The following PZP variants were observed in gnomAD, a reference collection of about 807,000 sequenced individuals.
The protein encoded by PZP is PZP alpha-2-macroglobulin like, also known as pregnancy zone protein.
In PZP, 150 loss-of-function variants were observed where a neutral mutation model predicts 179.8. The observed-to-expected ratio is 0.83, with a 90% CI of 0.73 to 0.96. The LOEUF is 0.96. PZP is among the 40% of genes least tolerant of loss of function. The pLI, the probability that PZP is intolerant of heterozygous loss-of-function variation, is 0.00. For synonymous variants in PZP, 624 were observed against 652.3 expected, an observed-to-expected ratio of 0.96 and a Z score of 0.66; for missense variants, 1,689 against 1,764.0, an observed-to-expected ratio of 0.96 and a Z score of 0.76.
chr12:9,161,185 G>T, intron 22 of PZP, 69 bp from the exon 23 acceptor site: 3 of 1,314,638 alleles, frequency 2.3e-6, no homozygotes, highest in Non-Finnish European at 3.2e-6. Flanking sequence ...TGATTATAAT[G>T]TAGTGAGAGC....
rs1265359821 is a variant in PZP at position 9,166,182 on chromosome 12, T to G, written c.2128A>C (p.Arg710=). 6.2e-7 allele frequency: 1 copy of G among 1,611,696 alleles called. No homozygotes were observed. The highest frequency in any genetic ancestry group is 1.7e-5 in the Admixed American group (1 of 59,348). ...GTGCCTAATTGAGGAACATATGGTC[T>G]CTCTACTACTCCTAGACCTGCTAAA... The part of the protein sequence containing the change: ...YYGAGLGVVE[R]PYVPQLGTYN... The change falls in exon 18 of 36, where the codon AGA becomes CGA. Residue 710 remains arginine, a synonymous_variant. Transcript: ENST00000261336.
chr12:9,141,467 G>A, the PZP span, among the ~76,000 whole-genome samples: 2,505 of 152,124 alleles, frequency 0.016, 72 homozygotes, highest in African/African-American at 0.057. Context: ...TAAAGAGCAG[G>A]TTAGTGCTTT....
rs369848439 is a variant in PZP at position 9,182,077 on chromosome 12, G to T, written c.1587C>A (p.Asp529Glu). ...SFALSFPVES[D>E]VAPIARMFIF... ...TGAACATTCGTGCAATGGGGGCAAC[G>T]TCTGACTCCACAGGGAAGGATAAGG... Residue 529 changes from aspartate (D) to glutamate (E), a missense_variant, in exon 14 of 36, where the codon GAC (aspartate) becomes GAA (glutamate). Physicochemically the swap from Asp to Glu is conservative, Grantham distance 45. Around this residue, in one of 3 missense-constraint regions of PZP, gnomAD observed 742 missense variants for 730.5 expected, o/e 1.02. Coordinates refer to ENST00000261336, the MANE Select transcript of PZP (RefSeq NM_002864.3). 1 of 1,613,434 alleles carries T rather than the reference G, an allele frequency of 6.2e-7. No homozygotes were observed. The highest frequency in any genetic ancestry group is 1.7e-5 in the Admixed American group (1 of 59,964).
chr12:9,176,237 T>C (rs1942354341), intron 15 of PZP, among the ~76,000 whole-genome samples: 1 of 152,194 alleles, frequency 6.6e-6, no homozygotes, highest in Non-Finnish European at 1.5e-5. Context: ...TGTTCTCACT[T>C]ATGAGTGGGA....
chr12:9,155,415 G>C (rs1472502872), intron 28 of PZP, among the ~76,000 whole-genome samples: 1 of 152,064 alleles, frequency 6.6e-6, no homozygotes, highest in African/African-American at 2.4e-5. Flanking sequence ...TGTTGGCACT[G>C]CTATAAGCAT....
downstream of PZP, among the ~76,000 whole-genome samples, chr12:9,147,912 G>A (rs557603813): frequency 2.5e-4 from 38 of 152,122 alleles, 1 homozygote; most frequent in Admixed American, 8.5e-4. Flanking sequence ...TCCATTAAGA[G>A]GTGACCAGTT....
intron 17 of PZP, 53 bp from the exon 18 acceptor site, chr12:9,166,255 G>A (rs1941579288): frequency 1.3e-6 from 2 of 1,571,084 alleles, no homozygotes; most frequent in Non-Finnish European, 1.7e-6. Flanking sequence ...TAATTTCATG[G>A]TGCACATGTG....
Position 9,165,346 on chromosome 12 carries a change from T to C in PZP, c.2280A>G (p.Val760=). The C allele has an allele frequency of 6.2e-7, 1 of 1,614,076 alleles. No individual in the cohort carries two copies. Among genetic ancestry groups the C allele is most frequent in the Non-Finnish European group, 8.5e-7 (1 of 1,179,928 alleles). ...VAVNSSGVAE[V]GVTVPDTITE... is the part of the protein sequence containing the mutation. ...TGATGGTGTCAGGGACTGTTACTCC[T>C]ACCTCAGCCACACCTGATGAGCTGG... Residue 760 remains valine (V), a synonymous_variant, in exon 19 of 36, where the codon GTA becomes GTG. Coordinates refer to ENST00000261336, the MANE Select transcript of PZP (RefSeq NM_002864.3).
In PZP at chr12:9,196,353, G is replaced by T. The variant is rs1406038457; in HGVS notation, c.1069C>A (p.Gln357Lys). The T allele has an allele frequency of 1.2e-6, 2 of 1,611,532 alleles. No individual in the cohort carries two copies. Among genetic ancestry groups the T allele is most frequent in the Non-Finnish European group, 1.7e-6 (2 of 1,177,762 alleles). The change falls in exon 10 of 36, where the codon CAA (glutamine) becomes AAA (lysine). Residue 357 changes from glutamine to lysine, a missense_variant. By Grantham distance (53) the Gln-to-Lys change is moderately conservative. Around this residue, in one of 3 missense-constraint regions of PZP, gnomAD observed 742 missense variants for 730.5 expected, o/e 1.02. Transcript: ENST00000261336. ...ACCTGTGCAAAAAAGGGGATTCCTT[G>T]TCTAAAGTGTGAATCCACTTTCACG... Reference protein sequence around the residue: ...KFVKVDSHFRQGIPFFAQVLL... With the variant: ...KFVKVDSHFRKGIPFFAQVLL...
intron 15 of PZP, among the ~76,000 whole-genome samples, chr12:9,177,695 C>T (rs1476285744): frequency 1.3e-5 from 2 of 152,166 alleles, no homozygotes; most frequent in Admixed American, 6.5e-5. Flanking sequence ...AAAGCGACCA[C>T]GCTTAAACGT....
intron 31 of PZP, 135 bp from the exon 32 acceptor site, chr12:9,152,445 GGACTTGTGCAACACT>G: frequency 1.5e-6 from 1 of 676,072 alleles, no homozygotes; most frequent in East Asian, 2.7e-5. Context: ...TGTGTTCCCT[GGACTTGTGCAACACT>G]GACATTGGAC....
At chr12:9,185,904 T>C (rs942731783) in intron 13 of PZP, among the ~76,000 whole-genome samples, 1 of 150,838 alleles carries the variant, frequency 6.6e-6, no homozygotes, top group Admixed American at 6.6e-5. Context: ...ACCTCCCAGG[T>C]TCAAACAGTT....
intron 17 of PZP, among the ~76,000 whole-genome samples, chr12:9,168,168 C>G (rs1041554629): frequency 1.3e-5 from 2 of 152,108 alleles, no homozygotes; most frequent in African/African-American, 4.8e-5. Context: ...CTTGAAGAGC[C>G]ATTAGTCAAA....
the PZP span, among the ~76,000 whole-genome samples, chr12:9,136,795 A>G: frequency 6.6e-6 from 1 of 152,126 alleles, no homozygotes; most frequent in Non-Finnish European, 1.5e-5. Flanking sequence ...GCATTTTTTC[A>G]TATACCTATT....
intron 25 of PZP, among the ~76,000 whole-genome samples, chr12:9,159,392 TA>T (rs1473803225): frequency 6.6e-6 from 1 of 152,192 alleles, no homozygotes; most frequent in Non-Finnish European, 1.5e-5. Flanking sequence ...AGGGTAGCTA[TA>T]AGAATTAAAT....
At chr12:9,165,484 G>T in intron 18 of PZP, 117 bp from the exon 19 acceptor site, 3 of 1,162,328 alleles carry the variant, frequency 2.6e-6, no homozygotes, top group Non-Finnish European at 2.5e-6. Context: ...GGGTATATGC[G>T]AGTGTGCATT....
rs752410219 is a variant in PZP at position 9,208,347 on chromosome 12, G to A, written c.-6C>T. 6.2e-7 allele frequency: 1 copy of A among 1,610,692 alleles called. No homozygotes were observed. The highest frequency in any genetic ancestry group is 1.1e-5 in the South Asian group (1 of 90,960). Reference sequence around the variant, plus strand: ...AGAAGTCTGTCTTTCCGCATTGTGAGGGATAAATCTCAGGGTTGTGTCCAA... The same window carrying A: ...AGAAGTCTGTCTTTCCGCATTGTGAAGGATAAATCTCAGGGTTGTGTCCAA... On this transcript the variant is annotated 5_prime_UTR_variant, in exon 1 of 36. Transcript: ENST00000261336.
chr12:9,200,793 T>C, intron 6 of PZP, 99 bp downstream of exon 6: 1 of 1,284,818 alleles, frequency 7.8e-7, no homozygotes, highest in South Asian at 1.5e-5. Context: ...CTGACTCTAC[T>C]GCAAGTTCAA....
In PZP at chr12:9,165,172, G is replaced by A. The variant is rs1339570393; in HGVS notation, c.2454C>T (p.Ala818=). 1.9e-6 allele frequency: 3 copies of A among 1,613,968 alleles called. No individual in the cohort carries two copies. In the African/African-American group the frequency reaches 4.0e-5, roughly 22 times the overall value. The change falls in exon 19 of 36, where the codon GCC becomes GCT. Residue 818 remains alanine (A), a synonymous_variant. Transcript: ENST00000261336. ...ATTTGGGAAGGTAGTTTAGGACCGT[G>A]GCCTTGAGTGTGAAGACCTCTCCAC... ...VIRGEVFTLK[A]TVLNYLPKCI...
Sources: gnomAD v4.1 joint callset for allele counts (sites outside exome capture counted in the v4.1 genomes callset) on GRCh38, gnomAD v4.1.1 for gene constraint, gnomAD v4.1.1 regional missense constraint, MANE v1.5 for transcripts, NCBI Gene and HGNC (gene_info 2026-07-23, HGNC 2026-07-21) for gene names.